RLBP1: variants seen among roughly 807,000 people sequenced by gnomAD.
The protein encoded by RLBP1 is retinaldehyde-binding protein 1.
Under a neutral mutation model 36.2 loss-of-function variants are expected in RLBP1, and 26 were observed. That is an observed-to-expected ratio of 0.72 (90% CI 0.53 to 1.00). The LOEUF is 1.00. Ranked by LOEUF, RLBP1 falls within the 50% of genes least tolerant of loss-of-function variation. The pLI, the probability that RLBP1 is intolerant of heterozygous loss-of-function variation, is 0.00. For synonymous variants in RLBP1, 155 were observed against 156.2 expected, an observed-to-expected ratio of 0.99 and a Z score of 0.06; for missense variants, 410 against 402.4, an observed-to-expected ratio of 1.02 and a Z score of -0.16.
Position 89,218,274 on chromosome 15 carries a change from C to T in RLBP1, c.141+291G>A, listed in dbSNP as rs959058790. 4.6e-5 allele frequency among the ~76,000 whole-genome samples: 7 copies of T among 152,200 alleles called. No individual in the cohort carries two copies. The highest frequency in any genetic ancestry group is 7.2e-5 in the African/African-American group (3 of 41,438). Reference sequence around the variant, plus strand: ...GGGCAGCAGTTGGATCCTTGTTCCCCGGGGCCATTTCCAAACCAATGCTTC... The same window carrying T: ...GGGCAGCAGTTGGATCCTTGTTCCCTGGGGCCATTTCCAAACCAATGCTTC... On this transcript the variant is annotated intron_variant, in intron 4 of 8. Coordinates refer to ENST00000268125, the MANE Select transcript of RLBP1 (RefSeq NM_000326.5). The surrounding 1 kb of genome is among the most constrained non-coding windows in gnomAD (Gnocchi z 4.6).
In RLBP1 at chr15:89,211,535, A is replaced by G. The variant is rs2051538004; in HGVS notation, c.684+208T>C. Among the ~76,000 whole-genome samples the G allele has an allele frequency of 6.6e-6, 1 of 152,198 alleles. No individual in the cohort carries two copies. Among genetic ancestry groups the G allele is most frequent in the African/African-American group, 2.4e-5 (1 of 41,442 alleles). On this transcript the variant is annotated intron_variant, in intron 7 of 8. Coordinates refer to ENST00000268125, the MANE Select transcript of RLBP1 (RefSeq NM_000326.5). The surrounding 1 kb of genome is among the most constrained non-coding windows in gnomAD (Gnocchi z 5.8). Reference sequence around the variant, plus strand: ...AGGGAAGGAGGGAGAGAATGCTCTCAAGGAGTCGATGGAAGAATGAAAGGG... The same window carrying G: ...AGGGAAGGAGGGAGAGAATGCTCTCGAGGAGTCGATGGAAGAATGAAAGGG...
chr15:89,220,927 C>G (rs766755520), intron 1 of RLBP1, among the ~76,000 whole-genome samples: 2 of 152,146 alleles, frequency 1.3e-5, no homozygotes, highest in African/African-American at 4.8e-5. Context: ...AAATGCCTAT[C>G]CCTCACACCA....
At chr15:89,217,072 C>T in intron 5 of RLBP1, 48 bp downstream of exon 5, 5 of 1,592,990 alleles carry the variant, frequency 3.1e-6, no homozygotes, top group Non-Finnish European at 4.3e-6. Context: ...ATAGCATCCT[C>T]ATGGCCTCCC....
In RLBP1 at chr15:89,217,266, T is replaced by C. The variant is rs2051589755; in HGVS notation, c.200A>G (p.Gln67Arg). The C allele has an allele frequency of 6.2e-7, 1 of 1,610,746 alleles. No individual in the cohort carries two copies. Among genetic ancestry groups the C allele is most frequent in the Non-Finnish European group, 8.5e-7 (1 of 1,180,020 alleles). The stretch of plus-strand genomic sequence containing the variant: ...GGCCGCCTGCGCCTGCACCATCTCC[T>C]GCAGCTCTCGCACTGCCTCCTCCCG... ...ETREEAVREL[Q>R]EMVQAQAASG... The change falls in exon 5 of 9, where the codon CAG becomes CGG. Residue 67 changes from glutamine to arginine, a missense_variant. Coordinates refer to ENST00000268125, the MANE Select transcript of RLBP1 (RefSeq NM_000326.5).
At chr15:89,220,203 T>C (rs2051615232) in intron 1 of RLBP1, among the ~76,000 whole-genome samples, 1 of 152,100 alleles carries the variant, frequency 6.6e-6, no homozygotes, top group Non-Finnish European at 1.5e-5. Flanking sequence ...ACAAACTCCC[T>C]AGGAGAGCTG....
At chr15:89,221,284 C>T (rs2051624929) in intron 1 of RLBP1, among the ~76,000 whole-genome samples, 2 of 152,196 alleles carry the variant, frequency 1.3e-5, no homozygotes, top group African/African-American at 4.8e-5. Context: ...GCTGGGATTA[C>T]AGGCGTGAGC....
chr15:89,210,209 T>C lies in RLBP1; in HGVS notation c.*76A>G. Reference sequence around the variant, plus strand: ...GACCACAGTCATCTCAAGCAGCCCTTTCCTAGCCTTGGGTCCAGGACAGTT... The same window carrying C: ...GACCACAGTCATCTCAAGCAGCCCTCTCCTAGCCTTGGGTCCAGGACAGTT... On this transcript the variant is annotated 3_prime_UTR_variant, in exon 9 of 9. Transcript: ENST00000268125. The surrounding 1 kb of genome is among the most constrained non-coding windows in gnomAD (Gnocchi z 4.7). The C allele has an allele frequency of 6.4e-7, 1 of 1,560,828 alleles. No homozygotes were observed. The highest frequency in any genetic ancestry group is 8.8e-7 in the Non-Finnish European group (1 of 1,138,150).
chr15:89,210,665 C>T lies in RLBP1; in HGVS notation c.795+34G>A. 6.8e-7 allele frequency: 1 copy of T among 1,479,424 alleles called. No homozygotes were observed. Among genetic ancestry groups the T allele is most frequent in the South Asian group, 1.2e-5 (1 of 83,346 alleles). The allele number at this position is 1,479,424 out of a possible 1,614,324, so 91.6% of individuals were successfully genotyped here. ...CAGGTGAGGCCCCACCCTCAGCCCT[C>T]TTGTCTCATTGTCTGGGCGGCCCAC... On this transcript the variant is annotated intron_variant, in intron 8 of 8. Transcript: ENST00000268125. The surrounding 1 kb of genome is among the most constrained non-coding windows in gnomAD (Gnocchi z 4.7).
intron 5 of RLBP1, among the ~76,000 whole-genome samples, chr15:89,215,852 C>T (rs1372525633): frequency 6.6e-6 from 1 of 152,184 alleles, no homozygotes; most frequent in Admixed American, 6.6e-5. Flanking sequence ...ACACTCTGGG[C>T]ACCTCCCAAC....
intron 6 of RLBP1, among the ~76,000 whole-genome samples, chr15:89,213,422 TAGG>T (rs946155738): frequency 1.1e-4 from 16 of 152,072 alleles, no homozygotes; most frequent in African/African-American, 2.2e-4. Flanking sequence ...TTCAGTAAAA[TAGG>T]GGGATATACA....
rs368852836 is a variant in RLBP1, at chr15:89,215,048, GC to G, written c.525+11del. ...AGCCCACAGGGTGGGAGCCAGGCGAGCCCCCACTAACCTCATCAAAGGTGAT... is the reference window on the plus strand; with the variant it reads ...AGCCCACAGGGTGGGAGCCAGGCGAGCCCCACTAACCTCATCAAAGGTGAT... On this transcript the variant is annotated intron_variant, in intron 6 of 8. Transcript: ENST00000268125. 24 of 1,614,042 alleles carry G rather than the reference GC, an allele frequency of 1.5e-5. No individual in the cohort carries two copies. In the East Asian group the frequency reaches 5.1e-4, roughly 34 times the overall value.
intron 1 of RLBP1, among the ~76,000 whole-genome samples, chr15:89,221,186 T>G (rs189148358): frequency 2.1e-4 from 32 of 152,110 alleles, no homozygotes; most frequent in African/African-American, 7.5e-4. Flanking sequence ...TTTTGGTATT[T>G]TTAGTGGAGA....
chr15:89,212,667 G>C (rs1170999035), intron 6 of RLBP1, among the ~76,000 whole-genome samples: 1 of 151,226 alleles, frequency 6.6e-6, no homozygotes, highest in Non-Finnish European at 1.5e-5. Flanking sequence ...TGTATGAAAA[G>C]ATTGGAAGGA....
intron 2 of RLBP1, among the ~76,000 whole-genome samples, chr15:89,219,396 C>A (rs60897356): frequency 0.025 from 3,773 of 152,306 alleles, 133 homozygotes; most frequent in African/African-American, 0.081. Context: ...GCTCTGTTCT[C>A]AATGACATGA....
chr15:89,210,838 C>T lies in RLBP1; in HGVS notation c.685-29G>A. On this transcript the variant is annotated intron_variant, in intron 7 of 8. Transcript: ENST00000268125. This position sits in a 1 kb window ranked among gnomAD's most constrained non-coding sequence, Gnocchi z 4.7. ...CGGTGACAGAGAGATACCCCGTTCC[C>T]CATGGCCCCAGTGACCTCAGAGGCT... The T allele has an allele frequency of 2.0e-6, 3 of 1,476,974 alleles. No individual in the cohort carries two copies. The highest frequency in any genetic ancestry group is 2.8e-6 in the Non-Finnish European group (3 of 1,078,244). The allele number at this position is 1,476,974 out of a possible 1,614,324, so 91.5% of individuals were successfully genotyped here.
chr15:89,213,753 C>T (rs1453718621), intron 6 of RLBP1, among the ~76,000 whole-genome samples: 1 of 152,196 alleles, frequency 6.6e-6, no homozygotes, highest in East Asian at 1.9e-4. Flanking sequence ...GATAGGACAA[C>T]TGGCCAGGAA....
chr15:89,218,616 A>T lies in RLBP1; in HGVS notation c.90T>A (p.His30Gln), dbSNP rs746395372. 1 of 1,614,168 alleles carries T rather than the reference A, an allele frequency of 6.2e-7. No homozygotes were observed. Among genetic ancestry groups the T allele is most frequent in the Non-Finnish European group, 8.5e-7 (1 of 1,180,030 alleles). The change falls in exon 4 of 9, where the codon CAT becomes CAA. Residue 30 changes from histidine (H) to glutamine (Q), a missense_variant. Physicochemically the swap from His to Gln is conservative, Grantham distance 24. Transcript: ENST00000268125. This position sits in a 1 kb window ranked among gnomAD's most constrained non-coding sequence, Gnocchi z 4.6. ...AQLEQLTTKD[H>Q]GPVFGPCSQL... ...GGCTGCACGGGCCAAAGACAGGTCC[A>T]TGGTCCTTGGTTGTGAGCTGCTCCA...
rs76261907 is a variant in RLBP1 at position 89,210,488 on chromosome 15, C to G, written c.796-45G>C. 1.4e-3 allele frequency: 2,179 copies of G among 1,609,908 alleles called. 27 individuals are homozygous for G. In the African/African-American group the frequency reaches 0.026, roughly 19 times the overall value. On this transcript the variant is annotated intron_variant, in intron 8 of 8. Transcript: ENST00000268125. The surrounding 1 kb of genome is among the most constrained non-coding windows in gnomAD (Gnocchi z 4.7). ...ACAGAACTGAGCAGGAGGAGGTGCC[C>G]TAAGGATGAGGGTTGAGGGAGGAAA...
rs985098836 is a variant in RLBP1 at position 89,217,187 on chromosome 15, G to T, written c.279C>A (p.Ser93Arg). 6.2e-7 allele frequency: 1 copy of T among 1,613,944 alleles called. No individual in the cohort carries two copies. The change falls in exon 5 of 9, where the codon AGC becomes AGA. Residue 93 changes from serine to arginine, a missense_variant. Coordinates refer to ENST00000268125, the MANE Select transcript of RLBP1 (RefSeq NM_000326.5). ...AVAERVQEKDSGFFLRFIRAR... is the reference protein window; with the variant it reads ...AVAERVQEKDRGFFLRFIRAR... ...CGCGGATGAAGCGCAGGAAGAAGCC[G>T]CTGTCCTTCTCTTGCACCCTCTCCG...
Sources: allele counts gnomAD v4.1 joint callset (sites outside exome capture counted in the v4.1 genomes callset), GRCh38; gene constraint gnomAD v4.1.1; non-coding constraint Gnocchi (gnomAD v3.1); transcripts MANE v1.5; gene names NCBI Gene and HGNC (gene_info 2026-07-23, HGNC 2026-07-21).